TIAM2: variants seen among roughly 807,000 people sequenced by gnomAD.
TIAM2 encodes TIAM Rac1 associated GEF 2.
Under a neutral mutation model 152.9 loss-of-function variants are expected in TIAM2, and 80 were observed. That is an observed-to-expected ratio of 0.52 (90% CI 0.44 to 0.63). The LOEUF is 0.63. TIAM2 is among the 30% of genes least tolerant of loss of function. The pLI is 0.00. For missense variants in TIAM2, 1,965 were observed against 2,120.1 expected (o/e 0.93, Z 1.44); for synonymous variants, 804 against 838.0 (o/e 0.96, Z 0.70).
At chr6:155,206,014 G>A (rs1014777996) in intron 14 of TIAM2, among the ~76,000 whole-genome samples, 1 of 152,110 alleles carries the variant, frequency 6.6e-6, no homozygotes, top group African/African-American at 2.4e-5. Context: ...TTTAACAAAT[G>A]TTTTGCCCTT....
At chr6:155,151,819 C>T (rs2151955) in intron 7 of TIAM2, among the ~76,000 whole-genome samples, 67,546 of 147,746 alleles carry the variant, frequency 0.46, 16,093 homozygotes, top group Middle Eastern at 0.56. Context: ...TTCTGTAATT[C>T]TATAGAATCT....
intron 15 of TIAM2, among the ~76,000 whole-genome samples, chr6:155,215,159 TTTATC>T (rs1164311945): frequency 1.3e-5 from 2 of 152,198 alleles, no homozygotes; most frequent in Non-Finnish European, 2.9e-5. Flanking sequence ...TTTCCCAAAG[TTTATC>T]TTAAGATTCA....
At position 155,129,732 on chromosome 6, in the gene TIAM2, A is replaced by G. The variant is rs1490659870; in HGVS notation, c.509A>G (p.Asp170Gly). The change falls in exon 4 of 27, where the codon GAT (aspartate) becomes GGT (glycine). Residue 170 changes from aspartate (D) to glycine (G), a missense_variant. This residue lies in a region of TIAM2 where 1,025 missense variants were observed against 1,119.4 expected (regional missense o/e 0.92). Transcript: ENST00000682666. The surrounding 1 kb of genome is among the most constrained non-coding windows in gnomAD (Gnocchi z 4.8). ...CTCATCAAAACGCTGGGGAAGCTGG[A>G]TGGGTGTTTAAGGGTCGAGTTCCAC... ...RVLIKTLGKL[D>G]GCLRVEFHNG... 6 of 1,613,830 alleles carry G rather than the reference A, an allele frequency of 3.7e-6. No individual in the cohort carries two copies. Among genetic ancestry groups the G allele is most frequent in the Non-Finnish European group, 5.1e-6 (6 of 1,180,012 alleles).
intron 15 of TIAM2, among the ~76,000 whole-genome samples, chr6:155,215,660 G>T: frequency 6.7e-6 from 1 of 149,602 alleles, no homozygotes. Flanking sequence ...AAAAGAAAAA[G>T]AAAATTTCAA....
At chr6:155,127,661 A>G in intron 3 of TIAM2, 61 bp downstream of exon 3, 1 of 449,608 alleles carries the variant, frequency 2.2e-6, no homozygotes, top group South Asian at 1.6e-5. Flanking sequence ...TTAAGGTAAT[A>G]AGTAAAGGTT....
intron 20 of TIAM2, among the ~76,000 whole-genome samples, chr6:155,248,999 GAC>G (rs1006377073): frequency 6.6e-6 from 1 of 152,146 alleles, no homozygotes; most frequent in Non-Finnish European, 1.5e-5. Context: ...ATTTTTGTAT[GAC>G]AGTTAACTTC....
intron 1 of TIAM2, among the ~76,000 whole-genome samples, chr6:155,006,793 A>G (rs1176391268): frequency 3.3e-5 from 5 of 151,412 alleles, no homozygotes; most frequent in Non-Finnish European, 7.4e-5. Context: ...GGTTCAAGCG[A>G]TTCTCCTGCC....
intron 1 of TIAM2, among the ~76,000 whole-genome samples, chr6:155,024,929 G>C (rs1776569977): frequency 1.3e-5 from 2 of 152,338 alleles, no homozygotes; most frequent in South Asian, 4.1e-4. Context: ...CCAGAAAACA[G>C]ACACTCAGCT....
rs1476402707 is a variant in TIAM2 at position 155,182,109 on chromosome 6, C to T, written c.2708-117C>T. 1.1e-5 allele frequency: 9 copies of T among 795,702 alleles called. No homozygotes were observed. The African/African-American group carries it at 1.6e-4, about 14-fold the overall frequency. 49.3% of individuals were successfully genotyped at this position (795,702 alleles called of 1,614,324 possible). A position where few individuals can be genotyped will look rare whatever the true frequency, so the allele number is the denominator to read the frequency against. On this transcript the variant is annotated intron_variant, in intron 12 of 26. Coordinates refer to ENST00000682666, the MANE Select transcript of TIAM2 (RefSeq NM_012454.4). Reference sequence around the variant, plus strand: ...ACTTTCAAAATAGCTGTAATTTCGACTTTCTCAACATACTGTACTTATGAG... The same window carrying T: ...ACTTTCAAAATAGCTGTAATTTCGATTTTCTCAACATACTGTACTTATGAG...
chr6:155,237,503 C>A (rs1470199278), intron 15 of TIAM2, among the ~76,000 whole-genome samples: 1 of 152,228 alleles, frequency 6.6e-6, no homozygotes, highest in African/African-American at 2.4e-5. Flanking sequence ...GGGCTCCAAC[C>A]CCACATTTCC....
At chr6:155,118,719 G>A (rs1404436765) in intron 2 of TIAM2, among the ~76,000 whole-genome samples, 2 of 152,052 alleles carry the variant, frequency 1.3e-5, no homozygotes, top group African/African-American at 2.4e-5. Context: ...ACAGGCGTGA[G>A]CCACCGCGCA....
chr6:155,181,387 T>A (rs4143684), intron 12 of TIAM2, among the ~76,000 whole-genome samples: 5 of 152,218 alleles, frequency 3.3e-5, no homozygotes, highest in Admixed American at 1.3e-4. Context: ...TCAACAATTA[T>A]TTGTTGTATT....
At chr6:155,114,517 G>A (rs540551314) in intron 2 of TIAM2, among the ~76,000 whole-genome samples, 2 of 152,020 alleles carry the variant, frequency 1.3e-5, no homozygotes, top group African/African-American at 4.8e-5. Context: ...GCCATTTGGA[G>A]GCATACTCTA....
intron 1 of TIAM2, among the ~76,000 whole-genome samples, chr6:155,053,461 T>G (rs1331566890): frequency 7.9e-6 from 1 of 127,326 alleles, no homozygotes; most frequent in African/African-American, 3.0e-5. Flanking sequence ...GGCCTATTCT[T>G]GCAGCTTTTT....
chr6:155,163,791 AGCT>A (rs1780335633), intron 7 of TIAM2, among the ~76,000 whole-genome samples: 1 of 152,224 alleles, frequency 6.6e-6, no homozygotes, highest in Admixed American at 6.5e-5. Context: ...AAAGTGAAAA[AGCT>A]GACTTGCAAA....
At chr6:155,045,872 T>TTTTTTTG (rs1777163708) in intron 1 of TIAM2, among the ~76,000 whole-genome samples, 1 of 114,622 alleles carries the variant, frequency 8.7e-6, no homozygotes. Flanking sequence ...GGTTTTTGTT[T>TTTTTTTG]GTTTGTTTTA....
chr6:155,159,900 A>G (rs1269185208), intron 7 of TIAM2, among the ~76,000 whole-genome samples: 1 of 152,242 alleles, frequency 6.6e-6, no homozygotes, highest in Non-Finnish European at 1.5e-5. Flanking sequence ...GTGAGTAAAG[A>G]TGGCTTACTC....
At chr6:155,227,416 A>G (rs1313297173) in intron 15 of TIAM2, among the ~76,000 whole-genome samples, 4 of 152,222 alleles carry the variant, frequency 2.6e-5, no homozygotes, top group African/African-American at 9.7e-5. Flanking sequence ...CCCATTTAGC[A>G]TGAGAAAACT....
At chr6:155,080,049 C>T (rs1452333786) in intron 1 of TIAM2, among the ~76,000 whole-genome samples, 2 of 152,188 alleles carry the variant, frequency 1.3e-5, no homozygotes, top group Admixed American at 6.5e-5. Context: ...AGCTCTCTGA[C>T]CCCTGGAAAC....
Sources: gnomAD v4.1 joint callset for allele counts (sites outside exome capture counted in the v4.1 genomes callset) on GRCh38, gnomAD v4.1.1 for gene constraint, gnomAD v4.1.1 regional missense constraint, Gnocchi (gnomAD v3.1) non-coding constraint, MANE v1.5 for transcripts, NCBI Gene and HGNC (gene_info 2026-07-23, HGNC 2026-07-21) for gene names.